The following PTPRD variants were observed in gnomAD, a reference collection of about 807,000 sequenced individuals.
PTPRD encodes receptor-type tyrosine-protein phosphatase delta.
In PTPRD, 34 loss-of-function variants were observed where a neutral mutation model predicts 214.5. The ratio of observed to expected loss-of-function variants is 0.16; its 90% CI spans 0.12 to 0.21. PTPRD has a LOEUF of 0.21. Ranked by LOEUF, PTPRD falls within the 10% of genes least tolerant of loss-of-function variation. The pLI, the probability that PTPRD is intolerant of heterozygous loss-of-function variation, is 1.00. For missense variants in PTPRD, 2,545 were observed against 2,398.7 expected (o/e 1.06, Z -1.27); for synonymous variants, 1,128 against 845.7 (o/e 1.33, Z -5.79).
chr9:8,533,286 G>A (rs979999245), intron 14 of PTPRD, among the ~76,000 whole-genome samples: 5 of 151,898 alleles, frequency 3.3e-5, no homozygotes, highest in South Asian at 2.1e-4. Context: ...CTCTTGCTGC[G>A]TGAATTCAAC....
intron 2 of PTPRD, among the ~76,000 whole-genome samples, chr9:10,592,879 A>T (rs564695340): frequency 6.6e-6 from 1 of 152,034 alleles, no homozygotes; most frequent in East Asian, 1.9e-4. Flanking sequence ...AAGGAAATAA[A>T]AGCTGGCCAC....
At position 8,314,737 on chromosome 9, in the gene PTPRD, C is replaced by T. The variant is rs1195051201; in HGVS notation, c.*3137G>A. The stretch of plus-strand genomic sequence containing the variant: ...CGTGCATTACTGCAGACTTTTTTCC[C>T]TTCCTGTTTCTATGTTGTGTTATTT... On this transcript the variant is annotated 3_prime_UTR_variant, in exon 46 of 46. Coordinates refer to ENST00000381196, the MANE Select transcript of PTPRD (RefSeq NM_002839.4). 2 of 232,034 alleles carry T rather than the reference C, an allele frequency of 8.6e-6. No individual in the cohort carries two copies. Among genetic ancestry groups the T allele is most frequent in the Non-Finnish European group, 1.7e-5 (2 of 117,230 alleles). The allele number at this position is 232,034 out of a possible 1,614,324, so 14.4% of individuals were successfully genotyped here.
At chr9:10,453,720 C>T (rs1383489849) in intron 2 of PTPRD, among the ~76,000 whole-genome samples, 1 of 151,404 alleles carries the variant, frequency 6.6e-6, no homozygotes, top group Non-Finnish European at 1.5e-5. Flanking sequence ...TAACATTTCT[C>T]TACACAAGAT....
At chr9:10,558,735 C>T (rs531336504) in intron 2 of PTPRD, among the ~76,000 whole-genome samples, 52 of 152,186 alleles carry the variant, frequency 3.4e-4, no homozygotes, top group Admixed American at 5.9e-4. Context: ...ATAGTACAAC[C>T]TTTACAAGTG....
chr9:9,089,597 A>T (rs1043944779), intron 10 of PTPRD, among the ~76,000 whole-genome samples: 3 of 152,186 alleles, frequency 2.0e-5, no homozygotes, highest in African/African-American at 7.2e-5. Context: ...TCACTATTCT[A>T]TTAAGGTTCC....
intron 10 of PTPRD, among the ~76,000 whole-genome samples, chr9:9,080,304 T>C (rs762842927): frequency 9.2e-5 from 14 of 152,050 alleles, no homozygotes; most frequent in South Asian, 6.2e-4. Flanking sequence ...CACTCTAGAA[T>C]GACATTTTTA....
intron 12 of PTPRD, 44 bp from the exon 13 acceptor site, chr9:8,636,888 T>C (rs1273255448): frequency 1.9e-6 from 3 of 1,597,216 alleles, no homozygotes; most frequent in Non-Finnish European, 1.7e-6. Context: ...AAAACTGAAA[T>C]ACAGACTATT....
intron 9 of PTPRD, among the ~76,000 whole-genome samples, chr9:9,271,376 A>G (rs769099036): frequency 2.6e-5 from 4 of 151,196 alleles, no homozygotes; most frequent in Non-Finnish European, 5.9e-5. Context: ...CTTCTAATTA[A>G]CTATTTATCT....
chr9:10,533,488 T>G (rs1590221956), intron 2 of PTPRD, among the ~76,000 whole-genome samples: 1 of 152,086 alleles, frequency 6.6e-6, no homozygotes, highest in African/African-American at 2.4e-5. Flanking sequence ...CGCTGAGTCT[T>G]TGCTGATTTA....
At chr9:8,930,998 G>T (rs1303020538) in intron 11 of PTPRD, among the ~76,000 whole-genome samples, 1 of 152,068 alleles carries the variant, frequency 6.6e-6, no homozygotes, top group Admixed American at 6.6e-5. Flanking sequence ...GGCTTTTGTT[G>T]CCATTGCTTT....
At chr9:8,530,228 C>T (rs1334154579) in intron 14 of PTPRD, among the ~76,000 whole-genome samples, 3 of 152,012 alleles carry the variant, frequency 2.0e-5, no homozygotes, top group African/African-American at 2.4e-5. Flanking sequence ...CCTCTAGAGC[C>T]GAGGGGTAAA....
chr9:9,025,339 A>G (rs2154372610), intron 10 of PTPRD, among the ~76,000 whole-genome samples: 1 of 152,140 alleles, frequency 6.6e-6, no homozygotes, highest in East Asian at 1.9e-4. Flanking sequence ...AAGCTGACCA[A>G]TGCTTTGTCT....
intron 4 of PTPRD, among the ~76,000 whole-genome samples, chr9:9,976,795 A>G (rs907714734): frequency 2.7e-5 from 4 of 150,918 alleles, no homozygotes; most frequent in African/African-American, 9.8e-5. Context: ...CTAGCTAGCT[A>G]TCTGTCTTCT....
intron 10 of PTPRD, among the ~76,000 whole-genome samples, chr9:9,152,492 C>T (rs1347367281): frequency 6.6e-6 from 1 of 152,038 alleles, no homozygotes; most frequent in Non-Finnish European, 1.5e-5. Context: ...CTGTAGGATC[C>T]TAATAGTAAT....
intron 2 of PTPRD, among the ~76,000 whole-genome samples, chr9:10,355,954 AGAGTACACT>A (rs2097269258): frequency 6.6e-6 from 1 of 152,194 alleles, no homozygotes. Context: ...GTCGTATTAG[AGAGTACACT>A]GAGATGTACA....
chr9:9,341,798 T>TTTA (rs1165999022), intron 9 of PTPRD, among the ~76,000 whole-genome samples: 2 of 152,022 alleles, frequency 1.3e-5, no homozygotes, highest in East Asian at 1.9e-4. Flanking sequence ...CAAGATTTTA[T>TTTA]TTATTATTAT....
intron 8 of PTPRD, among the ~76,000 whole-genome samples, chr9:9,403,972 G>A (rs918222129): frequency 1.3e-5 from 2 of 152,058 alleles, no homozygotes; most frequent in Non-Finnish European, 2.9e-5. Context: ...CACAGAACAA[G>A]CCAGCCATGC....
chr9:9,027,819 C>G (rs898985157), intron 10 of PTPRD, among the ~76,000 whole-genome samples: 3 of 151,894 alleles, frequency 2.0e-5, no homozygotes, highest in Non-Finnish European at 2.9e-5. Flanking sequence ...CAAACTTATC[C>G]TAAATTTTTA....
At chr9:9,559,025 G>A (rs561959010) in intron 8 of PTPRD, among the ~76,000 whole-genome samples, 4 of 152,302 alleles carry the variant, frequency 2.6e-5, no homozygotes, top group Non-Finnish European at 4.4e-5. Flanking sequence ...ATGTCCGCAC[G>A]TTCCAGTCCG....
Sources: gnomAD v4.1 joint callset for allele counts (sites outside exome capture counted in the v4.1 genomes callset) on GRCh38, gnomAD v4.1.1 for gene constraint, MANE v1.5 for transcripts, NCBI Gene and HGNC (gene_info 2026-07-23, HGNC 2026-07-21) for gene names.